GALNT13: variants seen among roughly 807,000 people sequenced by gnomAD.
GALNT13 encodes polypeptide N-acetylgalactosaminyltransferase 13.
A neutral mutation model predicts 64.2 loss-of-function variants in GALNT13; 28 were observed. That is an observed-to-expected ratio of 0.44 (90% confidence interval 0.32 to 0.60). The LOEUF is 0.60. GALNT13 is among the 20% of genes least tolerant of loss of function. The pLI is 0.05. For synonymous variants in GALNT13, 214 were observed against 224.6 expected, an observed-to-expected ratio of 0.95 and a Z score of 0.42; for missense variants, 577 against 669.8, an observed-to-expected ratio of 0.86 and a Z score of 1.53.
the GALNT13 span, among the ~76,000 whole-genome samples, chr2:153,322,142 C>G: frequency 6.6e-6 from 1 of 151,950 alleles, no homozygotes; most frequent in Non-Finnish European, 1.5e-5. Flanking sequence ...GGCATAGTAT[C>G]TAATGTTTTT....
chr2:153,142,137 A>G, the GALNT13 span, among the ~76,000 whole-genome samples: 1 of 152,192 alleles, frequency 6.6e-6, no homozygotes, highest in Non-Finnish European at 1.5e-5. Context: ...AATACACTGT[A>G]CAGCCAGTTC....
intron 1 of GALNT13, among the ~76,000 whole-genome samples, chr2:153,887,304 C>T (rs1003808025): frequency 2.7e-5 from 4 of 149,726 alleles, no homozygotes; most frequent in African/African-American, 9.9e-5. Context: ...ATCTCCTCTC[C>T]GATGGTCCTC....
chr2:153,522,623 C>A, the GALNT13 span, among the ~76,000 whole-genome samples: 3 of 152,126 alleles, frequency 2.0e-5, no homozygotes, highest in East Asian at 5.8e-4. Flanking sequence ...ATATGTGGAG[C>A]ATCTTTTCAG....
At chr2:154,361,305 G>A (rs946030548) in intron 9 of GALNT13, among the ~76,000 whole-genome samples, 2 of 152,100 alleles carry the variant, frequency 1.3e-5, no homozygotes, top group East Asian at 1.9e-4. Context: ...ATTGGTATAT[G>A]TGTAACCTAA....
chr2:153,274,095 C>T, the GALNT13 span, among the ~76,000 whole-genome samples: 22,511 of 152,124 alleles, frequency 0.15, 2,063 homozygotes, highest in Non-Finnish European at 0.21. Flanking sequence ...CCCAGCTACT[C>T]AGGAGGCTGA....
At chr2:154,014,536 T>G (rs1287648866) in intron 3 of GALNT13, among the ~76,000 whole-genome samples, 1 of 151,112 alleles carries the variant, frequency 6.6e-6, no homozygotes, top group African/African-American at 2.4e-5. Context: ...GTATTCCCAG[T>G]GCCTGGCTGT....
chr2:154,389,390 C>T (rs748750425), intron 9 of GALNT13, among the ~76,000 whole-genome samples: 12 of 152,284 alleles, frequency 7.9e-5, no homozygotes, highest in Admixed American at 1.3e-4. Context: ...CTGCCCACCT[C>T]GGCCTCCAAA....
At chr2:153,543,223 G>A in the GALNT13 span, among the ~76,000 whole-genome samples, 1 of 152,084 alleles carries the variant, frequency 6.6e-6, no homozygotes, top group South Asian at 2.1e-4. Flanking sequence ...CAGAGGAAAT[G>A]GAGACCACAA....
chr2:153,257,825 T>C, the GALNT13 span, among the ~76,000 whole-genome samples: 1 of 152,204 alleles, frequency 6.6e-6, no homozygotes, highest in Non-Finnish European at 1.5e-5. Flanking sequence ...TAGGACACAA[T>C]TGGAGGAACT....
chr2:153,523,074 G>C, the GALNT13 span, among the ~76,000 whole-genome samples: 1 of 117,928 alleles, frequency 8.5e-6, no homozygotes, highest in Non-Finnish European at 1.6e-5. Context: ...TTTGCATGTG[G>C]GTGTCCAGTT....
the GALNT13 span, among the ~76,000 whole-genome samples, chr2:153,140,115 C>T: frequency 1.1e-4 from 16 of 151,940 alleles, no homozygotes; most frequent in South Asian, 2.1e-4. Flanking sequence ...AGATTTGTTA[C>T]GCCAGATTTG....
rs561076888 is a variant in GALNT13 at position 154,020,841 on chromosome 2, A to C, written c.142+76202A>C. Among the ~76,000 whole-genome samples the C allele has an allele frequency of 9.5e-3, 1,439 of 152,132 alleles. 21 individuals carry two copies. The highest frequency in any genetic ancestry group is 0.033 in the African/African-American group (1,362 of 41,474). Reference sequence around the variant, plus strand: ...GGGTTTTTATGGTTTTAAGTCTAACATTTAAGTCTTTAATCCATCTTGAAT... The same window carrying C: ...GGGTTTTTATGGTTTTAAGTCTAACCTTTAAGTCTTTAATCCATCTTGAAT... On this transcript the variant is annotated intron_variant, in intron 3 of 12. Transcript: ENST00000392825.
chr2:153,585,877 A>G, the GALNT13 span, among the ~76,000 whole-genome samples: 8 of 152,304 alleles, frequency 5.3e-5, no homozygotes, highest in African/African-American at 1.9e-4. Context: ...AAGGAGAAAT[A>G]TTAAGTATCA....
chr2:153,540,030 T>G, the GALNT13 span, among the ~76,000 whole-genome samples: 84 of 152,334 alleles, frequency 5.5e-4, no homozygotes, highest in Middle Eastern at 3.4e-3. Context: ...CAAATGTTAA[T>G]TGCCAAGACA....
At chr2:153,763,331 G>T in the GALNT13 span, among the ~76,000 whole-genome samples, 1 of 152,138 alleles carries the variant, frequency 6.6e-6, no homozygotes, top group Non-Finnish European at 1.5e-5. Context: ...CTATCTTAGT[G>T]ATATGATTTG....
the GALNT13 span, among the ~76,000 whole-genome samples, chr2:153,248,271 T>A: frequency 1.3e-5 from 2 of 152,040 alleles, no homozygotes; most frequent in Non-Finnish European, 2.9e-5. Context: ...AAAGAAAATT[T>A]TAGGCCAACA....
intron 4 of GALNT13, among the ~76,000 whole-genome samples, chr2:154,202,326 A>G (rs1687215443): frequency 6.6e-6 from 1 of 152,062 alleles, no homozygotes; most frequent in Admixed American, 6.6e-5. Context: ...TAAGTACTGT[A>G]TGTTCCCTGA....
intron 3 of GALNT13, among the ~76,000 whole-genome samples, chr2:153,948,079 T>C (rs1434129480): frequency 6.6e-6 from 1 of 152,154 alleles, no homozygotes; most frequent in Non-Finnish European, 1.5e-5. Context: ...TTTTGGTTAC[T>C]GTAGCCCTGT....
chr2:153,179,689 A>C, the GALNT13 span, among the ~76,000 whole-genome samples: 1 of 152,226 alleles, frequency 6.6e-6, no homozygotes, highest in African/African-American at 2.4e-5. Context: ...CATGAACACG[A>C]GGTATCTTTC....
Sources: allele counts gnomAD v4.1 joint callset (sites outside exome capture counted in the v4.1 genomes callset), GRCh38; gene constraint gnomAD v4.1.1; transcripts MANE v1.5; gene names NCBI Gene and HGNC (gene_info 2026-07-23, HGNC 2026-07-21).